The following GALNT16 variants were observed in gnomAD, a reference collection of about 807,000 sequenced individuals.
GALNT16 encodes the protein UDP-GalNAc:polypeptide N-acetylgalactosaminyltransferase-like protein 1.
GALNT16 carries 40 observed loss-of-function variants against 76.1 expected under a neutral mutation model. That is an observed-to-expected ratio of 0.53 (90% CI 0.41 to 0.68). The LOEUF (loss-of-function observed/expected upper bound fraction) is 0.68. GALNT16 is among the 30% of genes least tolerant of loss of function. GALNT16 has a pLI of 0.00. For missense variants in GALNT16, 621 were observed against 731.9 expected, an observed-to-expected ratio of 0.85 and a Z score of 1.75; for synonymous variants, 276 against 285.2, an observed-to-expected ratio of 0.97 and a Z score of 0.32.
chr14:69,260,390 T>A lies in GALNT16; in HGVS notation c.100T>A (p.Ser34Thr). The A allele has an allele frequency of 1.9e-6, 3 of 1,608,294 alleles. No homozygotes were observed. Among genetic ancestry groups the A allele is most frequent in the Non-Finnish European group, 2.5e-6 (3 of 1,177,472 alleles). The stretch of plus-strand genomic sequence containing the variant: ...GCAGGACAACCGAGCCCACGCAGCA[T>A]CCTCCGGCGGCCGGGGCGCGCAGAG... ...LWQDNRAHAASSGGRGAQRAG... is the reference protein window; with the variant it reads ...LWQDNRAHAATSGGRGAQRAG... Residue 34 changes from serine to threonine, a missense_variant, in exon 1 of 15, where the codon TCC becomes ACC. Ser to Thr is a moderately conservative substitution (Grantham distance 58, BLOSUM62 1). Coordinates refer to ENST00000448469, the MANE Select transcript of GALNT16 (RefSeq NM_001168368.2).
In GALNT16 at chr14:69,326,034, C is replaced by G. The variant is rs575341480; in HGVS notation, c.568+7C>G. 3 of 1,610,952 alleles carry G rather than the reference C, an allele frequency of 1.9e-6. No individual in the cohort carries two copies. Among genetic ancestry groups the G allele is most frequent in the Non-Finnish European group, 2.5e-6 (3 of 1,177,216 alleles). ...CGCAATGATCGGCGGGAAGGTGAGT[C>G]CTTGCACCCTGGGTCCCACCAAGGG... On this transcript the variant is annotated splice_region_variant and intron_variant, in intron 5 of 14. Transcript: ENST00000448469.
intron 1 of GALNT16, among the ~76,000 whole-genome samples, chr14:69,273,012 A>AG (rs1330693929): frequency 6.6e-6 from 1 of 152,222 alleles, no homozygotes; most frequent in Admixed American, 6.5e-5. Flanking sequence ...AAAGTGAAGA[A>AG]TCTGGCTACG....
intron 1 of GALNT16, among the ~76,000 whole-genome samples, chr14:69,282,288 G>A (rs1384403223): frequency 6.6e-6 from 1 of 152,132 alleles, no homozygotes; most frequent in African/African-American, 2.4e-5. Flanking sequence ...TCGAGTCCCC[G>A]ACTTTCCTCA....
At chr14:69,285,038 C>CTTTTTTTTTTTTTTT (rs1239622713) in intron 1 of GALNT16, among the ~76,000 whole-genome samples, 2 of 130,460 alleles carry the variant, frequency 1.5e-5, no homozygotes. Context: ...GTCTCGGGCA[C>CTTTTTTTTTTTTTTT]TCTTTTTTTT....
intron 14 of GALNT16, chr14:69,351,818 AAG>A (rs1359066392): frequency 8.0e-6 from 4 of 497,892 alleles, no homozygotes; most frequent in African/African-American, 7.8e-5. Context: ...AGGCTGAGGC[AAG>A]AGGATTGCTT....
chr14:69,325,888 T>G (rs2045276520), intron 4 of GALNT16, 74 bp from the exon 5 acceptor site: 12 of 1,238,952 alleles, frequency 9.7e-6, no homozygotes, highest in Non-Finnish European at 1.4e-5. Context: ...ATGGGGCAAT[T>G]TTCATGGCAG....
chr14:69,342,156 A>G, intron 12 of GALNT16, among the ~76,000 whole-genome samples: 1 of 152,082 alleles, frequency 6.6e-6, no homozygotes, highest in Non-Finnish European at 1.5e-5. Flanking sequence ...GTGGTGAAAA[A>G]ATGAGAAACC....
chr14:69,299,533 G>A (rs1469009656), intron 1 of GALNT16, among the ~76,000 whole-genome samples: 2 of 152,202 alleles, frequency 1.3e-5, no homozygotes, highest in East Asian at 1.9e-4. Flanking sequence ...TCCGTAAGGT[G>A]GGGTGGGGAG....
chr14:69,362,188 G>C, the GALNT16 span, among the ~76,000 whole-genome samples: 2 of 152,218 alleles, frequency 1.3e-5, no homozygotes, highest in Non-Finnish European at 2.9e-5. Context: ...TGGCCTGAGG[G>C]CCCAGGGCTA....
chr14:69,317,366 G>T (rs2045117594), intron 1 of GALNT16, among the ~76,000 whole-genome samples: 1 of 152,234 alleles, frequency 6.6e-6, no homozygotes, highest in Non-Finnish European at 1.5e-5. Flanking sequence ...GTGGGGTGAG[G>T]TTCTGTGGTC....
chr14:69,336,070 C>T (rs2045411760), intron 9 of GALNT16, among the ~76,000 whole-genome samples: 1 of 152,208 alleles, frequency 6.6e-6, no homozygotes, highest in Non-Finnish European at 1.5e-5. Flanking sequence ...CCTGCCCTCA[C>T]TTCCCACTTC....
chr14:69,285,563 C>T (rs779741231), intron 1 of GALNT16, among the ~76,000 whole-genome samples: 2 of 152,150 alleles, frequency 1.3e-5, no homozygotes, highest in Non-Finnish European at 2.9e-5. Flanking sequence ...AAGAAAGATC[C>T]TTTAATTTTT....
At position 69,301,932 on chromosome 14, in the gene GALNT16, TGAGCC is replaced by T. The variant is rs1185734292; in HGVS notation, c.178-18775_178-18771del. ...TTGAACCCAGGAGGCGGGGTTGCAG[TGAGCC>T]GAGATGGCGCCAGCTTGGGTGACAG... is the stretch of plus-strand genomic sequence containing the variant. On this transcript the variant is annotated intron_variant, in intron 1 of 14. Transcript: ENST00000448469. 2.6e-5 allele frequency among the ~76,000 whole-genome samples: 4 copies of T among 152,140 alleles called. No homozygotes were observed. The East Asian group carries it at 7.7e-4, about 29-fold the overall frequency.
At chr14:69,359,222 C>T (rs2045709755), downstream of GALNT16, 1 of 152,218 alleles carries the variant, frequency 6.6e-6, no homozygotes, top group South Asian at 2.1e-4. Context: ...AGCTTCATAC[C>T]TCCCACTGCT....
chr14:69,367,166 CAGGT>C, the GALNT16 span, among the ~76,000 whole-genome samples: 2 of 152,182 alleles, frequency 1.3e-5, no homozygotes, highest in East Asian at 1.9e-4. Context: ...TGAGTTTTGA[CAGGT>C]AGGCAGGTGC....
At chr14:69,270,543 C>A (rs576512699) in intron 1 of GALNT16, among the ~76,000 whole-genome samples, 2 of 152,316 alleles carry the variant, frequency 1.3e-5, no homozygotes, top group East Asian at 3.9e-4. Flanking sequence ...CTTCTTTAAA[C>A]AAACTGTATG....
At position 69,267,219 on chromosome 14, in the gene GALNT16, G is replaced by A. The variant is rs547641516; in HGVS notation, c.177+6752G>A. 5.3e-5 allele frequency among the ~76,000 whole-genome samples: 8 copies of A among 152,278 alleles called. No homozygotes were observed. The South Asian group carries it at 1.2e-3, about 24-fold the overall frequency. On this transcript the variant is annotated intron_variant, in intron 1 of 14. Transcript: ENST00000448469. Reference sequence around the variant, plus strand: ...CCCCACACCCCTAAACTTCAGATGCGCCTTTGAACTGTATCTGGCTAGAGA... The same window carrying A: ...CCCCACACCCCTAAACTTCAGATGCACCTTTGAACTGTATCTGGCTAGAGA...
chr14:69,367,834 A>G, the GALNT16 span, among the ~76,000 whole-genome samples: 2 of 151,918 alleles, frequency 1.3e-5, no homozygotes, highest in African/African-American at 4.8e-5. Context: ...ACCAAATAAA[A>G]AATTAAATAT....
At chr14:69,260,529 C>A (rs1403826029) in intron 1 of GALNT16, 62 bp downstream of exon 1, 11 of 1,182,540 alleles carry the variant, frequency 9.3e-6, no homozygotes, top group African/African-American at 1.6e-5. Context: ...CCAGACCCTG[C>A]GCGGCGGCCG....
Sources: gnomAD v4.1 joint callset for allele counts (sites outside exome capture counted in the v4.1 genomes callset) on GRCh38, gnomAD v4.1.1 for gene constraint, MANE v1.5 for transcripts, NCBI Gene and HGNC (gene_info 2026-07-23, HGNC 2026-07-21) for gene names.